ADSS2: variants seen among roughly 807,000 people sequenced by gnomAD.
The protein encoded by ADSS2 is adenylosuccinate synthetase isozyme 2.
In ADSS2, 30 loss-of-function variants were observed where a neutral mutation model predicts 60.0. The observed-to-expected ratio is 0.50, with a 90% confidence interval of 0.37 to 0.68. The LOEUF (loss-of-function observed/expected upper bound fraction) is 0.68, where lower values mean the gene tolerates loss of function less well. ADSS2 is among the 30% of genes least tolerant of loss of function. ADSS2 has a pLI of 0.00. For missense variants in ADSS2, 373 were observed against 554.8 expected (o/e 0.67, Z 3.29); for synonymous variants, 187 against 193.1 (o/e 0.97, Z 0.26).
chr1:244,433,350 T>C (rs530788174), intron 3 of ADSS2, among the ~76,000 whole-genome samples: 3 of 152,346 alleles, frequency 2.0e-5, no homozygotes, highest in Admixed American at 6.5e-5. Context: ...ATGTCATTCA[T>C]TCCATACATA....
intron 4 of ADSS2, among the ~76,000 whole-genome samples, chr1:244,429,684 A>G (rs1435561743): frequency 6.6e-6 from 1 of 152,170 alleles, no homozygotes; most frequent in African/African-American, 2.4e-5. Context: ...GTTCAAGACC[A>G]GCCTGGCCAA....
At chr1:244,411,218 CA>C (rs367805844) in intron 12 of ADSS2, 68 bp downstream of exon 12, 127,656 of 1,042,332 alleles carry the variant, frequency 0.12, no homozygotes, top group Middle Eastern at 0.14. Context: ...GACTCCGTCT[CA>C]AAAAAAAAAA....
At chr1:244,414,690 T>C (rs1421144029) in intron 11 of ADSS2, among the ~76,000 whole-genome samples, 1 of 152,184 alleles carries the variant, frequency 6.6e-6, no homozygotes, top group African/African-American at 2.4e-5. Context: ...GGCTGTCAAC[T>C]TATTTTACCC....
At chr1:244,445,084 G>C (rs1665352061) in intron 1 of ADSS2, among the ~76,000 whole-genome samples, 1 of 152,188 alleles carries the variant, frequency 6.6e-6, no homozygotes, top group Admixed American at 6.5e-5. Flanking sequence ...AGCAATAGCA[G>C]TCTGAGATGC....
intron 1 of ADSS2, among the ~76,000 whole-genome samples, chr1:244,441,784 G>A (rs759351375): frequency 4.6e-5 from 7 of 151,908 alleles, no homozygotes; most frequent in Non-Finnish European, 8.8e-5. Flanking sequence ...ATGAAACCCC[G>A]TCTCTACTAA....
intron 1 of ADSS2, among the ~76,000 whole-genome samples, chr1:244,443,678 G>C (rs1665305632): frequency 6.6e-6 from 1 of 152,114 alleles, no homozygotes; most frequent in Non-Finnish European, 1.5e-5. Flanking sequence ...CATCATCCTT[G>C]CATCTGAATA....
chr1:244,417,726 C>A lies in ADSS2; in HGVS notation c.972G>T (p.Arg324Ser). The A allele has an allele frequency of 6.2e-7, 1 of 1,613,526 alleles. No homozygotes were observed. The highest frequency in any genetic ancestry group is 8.5e-7 in the Non-Finnish European group (1 of 1,179,732). ...CAGTAGTTACACCAAACTCTCTACC[C>A]CTTGTTTGTAATAATTCTCCAATTT... ...DNEIGELLQT[R>S]GREFGVTTGR... Residue 324 changes from arginine (R) to serine (S), a missense_variant, in exon 10 of 13, where the codon AGG becomes AGT. This residue lies in a region of ADSS2 where 130 missense variants were observed against 169.4 expected (regional missense o/e 0.77). Transcript: ENST00000366535.
At chr1:244,420,028 C>G in intron 8 of ADSS2, 142 bp downstream of exon 8, 1 of 815,686 alleles carries the variant, frequency 1.2e-6, no homozygotes, top group Non-Finnish European at 1.8e-6. Flanking sequence ...AAGAGTGCCA[C>G]AAGATGACAA....
chr1:244,415,909 G>A, intron 11 of ADSS2, 72 bp downstream of exon 11: 1 of 1,111,496 alleles, frequency 9.0e-7, no homozygotes, highest in Non-Finnish European at 1.3e-6. Context: ...AAATTATATG[G>A]AAGAGCTTTA....
chr1:244,437,367 G>T (rs1009277834), intron 2 of ADSS2, among the ~76,000 whole-genome samples: 1 of 151,826 alleles, frequency 6.6e-6, no homozygotes, highest in African/African-American at 2.4e-5. Context: ...AAGTATTTGT[G>T]GAAAAAAAAG....
chr1:244,430,105 G>A (rs1325144794), intron 4 of ADSS2, among the ~76,000 whole-genome samples: 1 of 151,504 alleles, frequency 6.6e-6, no homozygotes, highest in African/African-American at 2.4e-5. Context: ...ATACACTTAT[G>A]GGAAAAAATA....
chr1:244,421,901 A>G (rs6669301), intron 7 of ADSS2, among the ~76,000 whole-genome samples: 57,387 of 152,036 alleles, frequency 0.38, 11,331 homozygotes, highest in Admixed American at 0.43. Flanking sequence ...TTGAGCCTAG[A>G]AAGTCAAGGC....
chr1:244,449,214 T>C (rs1043221776), intron 1 of ADSS2, among the ~76,000 whole-genome samples: 1 of 152,252 alleles, frequency 6.6e-6, no homozygotes, highest in Non-Finnish European at 1.5e-5. Context: ...CATTAAAATT[T>C]ATCATTAAAT....
At chr1:244,437,298 G>A (rs1267559625) in intron 2 of ADSS2, among the ~76,000 whole-genome samples, 6 of 152,058 alleles carry the variant, frequency 3.9e-5, no homozygotes, top group African/African-American at 9.7e-5. Flanking sequence ...ATCATTTATT[G>A]TAAGGGTTCA....
At chr1:244,451,973 C>A, upstream of ADSS2, 2 of 715,664 alleles carry the variant, frequency 2.8e-6, no homozygotes, top group Non-Finnish European at 4.3e-6. This position sits in a 1 kb window ranked among gnomAD's most constrained non-coding sequence, Gnocchi z 6.6. Flanking sequence ...CAGCCAGTCC[C>A]CGCCCCGCTC....
At chr1:244,437,549 A>C in intron 2 of ADSS2, 117 bp downstream of exon 2, 1 of 742,626 alleles carries the variant, frequency 1.3e-6, no homozygotes, top group Non-Finnish European at 2.3e-6. Flanking sequence ...CAAAATTAAT[A>C]AGAGATCAAT....
chr1:244,441,849 G>A (rs1428693212), intron 1 of ADSS2, among the ~76,000 whole-genome samples: 2 of 152,006 alleles, frequency 1.3e-5, no homozygotes, highest in African/African-American at 2.4e-5. Context: ...CCAGCTACTC[G>A]GGAGGCTGAG....
intron 7 of ADSS2, among the ~76,000 whole-genome samples, chr1:244,422,508 A>AT: frequency 6.6e-6 from 1 of 152,300 alleles, no homozygotes; most frequent in East Asian, 1.9e-4. Flanking sequence ...GTTAGAAGTG[A>AT]TTTTTATATG....
intron 3 of ADSS2, among the ~76,000 whole-genome samples, chr1:244,434,600 G>A (rs1180272974): frequency 6.6e-6 from 1 of 152,062 alleles, no homozygotes; most frequent in Non-Finnish European, 1.5e-5. Context: ...CGGTTGTTTT[G>A]ACATACAAAC....
Sources: gnomAD v4.1 joint callset for allele counts (sites outside exome capture counted in the v4.1 genomes callset) on GRCh38, gnomAD v4.1.1 for gene constraint, gnomAD v4.1.1 regional missense constraint, Gnocchi (gnomAD v3.1) non-coding constraint, MANE v1.5 for transcripts, NCBI Gene and HGNC (gene_info 2026-07-23, HGNC 2026-07-21) for gene names.